Variants in UBE2W observed in about 807,000 individuals in gnomAD.
The protein encoded by UBE2W is ubiquitin conjugating enzyme E2 W.
UBE2W carries 18 observed loss-of-function variants against 27.2 expected under a neutral mutation model. The observed-to-expected ratio is 0.66, with a 90% CI of 0.46 to 0.98. UBE2W has a LOEUF of 0.98. Ranked by LOEUF, UBE2W falls within the 50% of genes least tolerant of loss-of-function variation. UBE2W has a pLI of 0.00. For synonymous variants in UBE2W, 53 were observed against 57.2 expected (o/e 0.93, Z 0.33); for missense variants, 90 against 180.2 (o/e 0.50, Z 2.87).
chr8:73,847,119 A>G (rs139645936), intron 1 of UBE2W, among the ~76,000 whole-genome samples: 2 of 152,270 alleles, frequency 1.3e-5, no homozygotes, highest in East Asian at 3.9e-4. Context: ...CAGTGAGCCA[A>G]GATTGCGCCA....
chr8:73,810,543 CCA>C lies in UBE2W; in HGVS notation c.295_296del (p.Trp99ValfsTer12). ...CTGATTGGACTGAGAGCGCTGGGGA[CCA>C]GTCTTCTGTTAGAATGGATAAACAG... ...HICLSILTED[W>X]SPALSVQSVC... On this transcript the variant is annotated frameshift_variant, in exon 4 of 6. Transcript: ENST00000602593. LOFTEE classifies it high-confidence loss of function. 6.2e-7 allele frequency: 1 copy of C among 1,612,870 alleles called. No homozygotes were observed. Among genetic ancestry groups the C allele is most frequent in the Non-Finnish European group, 8.5e-7 (1 of 1,179,496 alleles).
intron 1 of UBE2W, among the ~76,000 whole-genome samples, chr8:73,843,399 A>G (rs1278520285): frequency 1.3e-5 from 2 of 152,212 alleles, no homozygotes; most frequent in African/African-American, 4.8e-5. Context: ...TTGGGAGGCC[A>G]AGGCAGGAAG....
intron 3 of UBE2W, among the ~76,000 whole-genome samples, chr8:73,817,035 A>G (rs1007970667): frequency 1.3e-5 from 2 of 151,958 alleles, no homozygotes; most frequent in African/African-American, 2.4e-5. Context: ...CTCTGTCTCA[A>G]TAAAAAGTGC....
intron 1 of UBE2W, chr8:73,831,569 G>C (rs181500784): frequency 1.3e-5 from 2 of 152,564 alleles, no homozygotes; most frequent in Admixed American, 1.3e-4. Flanking sequence ...TTTTTTAAGA[G>C]ACAGGGCCTC....
chr8:73,802,222 C>T (rs1004881478), intron 5 of UBE2W, among the ~76,000 whole-genome samples: 16 of 152,106 alleles, frequency 1.1e-4, no homozygotes, highest in Non-Finnish European at 1.9e-4. Context: ...TGCTACATAC[C>T]GCCAGCAAGT....
intron 1 of UBE2W, among the ~76,000 whole-genome samples, chr8:73,845,613 G>T (rs1040569060): frequency 6.6e-6 from 1 of 151,816 alleles, no homozygotes. Context: ...AGAGACCTTT[G>T]TTCACATGTT....
downstream of UBE2W, among the ~76,000 whole-genome samples, chr8:73,784,820 G>A (rs1162597867): frequency 6.6e-6 from 1 of 152,032 alleles, no homozygotes; most frequent in African/African-American, 2.4e-5. Context: ...GGCATATCCT[G>A]GGCAACTATC....
chr8:73,800,659 T>C (rs146537719), intron 5 of UBE2W, among the ~76,000 whole-genome samples: 11 of 152,336 alleles, frequency 7.2e-5, no homozygotes, highest in Admixed American at 7.2e-4. Context: ...GAAAGGTTAA[T>C]TTGGTTTGAA....
At chr8:73,795,900 G>A (rs960160684) in intron 5 of UBE2W, 5 of 344,424 alleles carry the variant, frequency 1.5e-5, no homozygotes, top group Non-Finnish European at 1.6e-5. Context: ...TAGGCAATAC[G>A]GCAAAATGTT....
In UBE2W at chr8:73,873,299, C is replaced by G. The variant is rs143915048; in HGVS notation, c.15+5509G>C. On this transcript the variant is annotated intron_variant, in intron 1 of 5. Coordinates refer to ENST00000602593, the MANE Select transcript of UBE2W (RefSeq NM_018299.6). ...AACTGTCAAGGCAACATGACTACTA[C>G]AACAGTAATGTCTGTAAGAGTCCAT... Among the ~76,000 whole-genome samples, 7 of 152,288 alleles carry G rather than the reference C, an allele frequency of 4.6e-5. No homozygotes were observed. In the East Asian group the frequency reaches 1.2e-3, roughly 25 times the overall value.
downstream of UBE2W, among the ~76,000 whole-genome samples, chr8:73,782,825 T>C (rs1249448559): frequency 1.3e-5 from 2 of 152,232 alleles, no homozygotes; most frequent in Non-Finnish European, 2.9e-5. Flanking sequence ...GGTATGTGCA[T>C]AACTTTTAAA....
chr8:73,787,862 C>T lies in UBE2W; in HGVS notation c.*6240G>A, dbSNP rs1425798823. 1 of 985,310 alleles carries T rather than the reference C, an allele frequency of 1.0e-6. No homozygotes were observed. The highest frequency in any genetic ancestry group is 6.2e-5 in the Admixed American group (1 of 16,256). 61.0% of individuals were successfully genotyped at this position (985,310 alleles called of 1,614,324 possible). A position where few individuals can be genotyped will look rare whatever the true frequency, so the allele number is the denominator to read the frequency against. ...GTGCCTGGGTCTCCATTTCCATCTTCACTGAAAACACTCAGTCTTTAGTTG... is the reference window on the plus strand; with the variant it reads ...GTGCCTGGGTCTCCATTTCCATCTTTACTGAAAACACTCAGTCTTTAGTTG... On this transcript the variant is annotated 3_prime_UTR_variant, in exon 6 of 6. Transcript: ENST00000602593.
At chr8:73,817,810 G>C (rs1263858807) in intron 3 of UBE2W, among the ~76,000 whole-genome samples, 1 of 152,198 alleles carries the variant, frequency 6.6e-6, no homozygotes, top group Admixed American at 6.5e-5. Context: ...ACCACGCCCA[G>C]TTGTGGACTT....
chr8:73,791,020 AATTAAG>A lies in UBE2W; in HGVS notation c.*3076_*3081del, dbSNP rs1457359556. On this transcript the variant is annotated 3_prime_UTR_variant, in exon 6 of 6. Transcript: ENST00000602593. ...GATATTCCTAGTCAAAACAACAAGG[AATTAAG>A]ATCTTTCTCCAGGTGAACTGCTGAC... 1 of 983,366 alleles carries A rather than the reference AATTAAG, an allele frequency of 1.0e-6. No homozygotes were observed. The highest frequency in any genetic ancestry group is 1.2e-6 in the Non-Finnish European group (1 of 828,168). The allele number at this position is 983,366 out of a possible 1,614,324, so 60.9% of individuals were successfully genotyped here.
chr8:73,870,146 A>C, intron 1 of UBE2W: 3 of 1,021,926 alleles, frequency 2.9e-6, no homozygotes, highest in Non-Finnish European at 4.4e-6. Context: ...TATGTGGATT[A>C]TATTTCAATT....
chr8:73,825,716 G>A (rs1467851705), intron 2 of UBE2W, among the ~76,000 whole-genome samples: 12 of 152,058 alleles, frequency 7.9e-5, no homozygotes, highest in Non-Finnish European at 1.2e-4. Flanking sequence ...CAGGAGAATC[G>A]CTTGAACCCG....
intron 1 of UBE2W, among the ~76,000 whole-genome samples, chr8:73,847,918 A>G (rs1810885840): frequency 6.9e-6 from 1 of 145,520 alleles, no homozygotes; most frequent in Non-Finnish European, 1.5e-5. Context: ...AAAAATAAAA[A>G]CAGCCGGGCA....
intron 1 of UBE2W, among the ~76,000 whole-genome samples, chr8:73,845,507 A>G (rs1810759275): frequency 6.6e-6 from 1 of 152,194 alleles, no homozygotes; most frequent in South Asian, 2.1e-4. Context: ...GCTTGAAGGC[A>G]GCATACTCGT....
intron 4 of UBE2W, among the ~76,000 whole-genome samples, chr8:73,808,094 T>C (rs886698416): frequency 2.0e-5 from 3 of 152,210 alleles, no homozygotes; most frequent in Admixed American, 1.3e-4. Context: ...AGAAGAATTA[T>C]GACTAAAGTC....
Sources: allele counts gnomAD v4.1 joint callset (sites outside exome capture counted in the v4.1 genomes callset), GRCh38; gene constraint gnomAD v4.1.1; transcripts MANE v1.5; gene names NCBI Gene and HGNC (gene_info 2026-07-23, HGNC 2026-07-21).